The following UST variants were observed in gnomAD, a reference collection of about 807,000 sequenced individuals.
UST encodes chondroitin sulfate 2-O-sulfotransferase.
In UST, 21 loss-of-function variants were observed where a neutral mutation model predicts 45.6. The ratio of observed to expected loss-of-function variants is 0.46; its 90% CI spans 0.33 to 0.66. UST has a LOEUF of 0.66. Ranked by LOEUF, UST falls within the 30% of genes least tolerant of loss-of-function variation. The pLI is 0.02. For missense variants in UST, 463 were observed against 512.4 expected (o/e 0.90, Z 0.93); for synonymous variants, 215 against 200.6 (o/e 1.07, Z -0.61).
intron 2 of UST, among the ~76,000 whole-genome samples, chr6:148,915,482 A>C (rs1779570840): frequency 6.6e-6 from 1 of 152,082 alleles, no homozygotes; most frequent in South Asian, 2.1e-4. Flanking sequence ...CCAGTCCCAG[A>C]CCCCAAACAA....
chr6:149,024,370 A>G (rs1776021178), intron 7 of UST, among the ~76,000 whole-genome samples: 1 of 152,196 alleles, frequency 6.6e-6, no homozygotes, highest in Non-Finnish European at 1.5e-5. Flanking sequence ...GCTGCCACAC[A>G]TTATATGCCC....
At chr6:148,835,614 C>A (rs1777772481) in intron 1 of UST, among the ~76,000 whole-genome samples, 1 of 152,168 alleles carries the variant, frequency 6.6e-6, no homozygotes, top group Non-Finnish European at 1.5e-5. Flanking sequence ...TCCAATCTGT[C>A]ATTTGTCATG....
At chr6:148,779,942 CTT>C (rs1776608602) in intron 1 of UST, among the ~76,000 whole-genome samples, 1 of 151,998 alleles carries the variant, frequency 6.6e-6, no homozygotes, top group Non-Finnish European at 1.5e-5. Context: ...AGCAGAAAGA[CTT>C]TGTGATATTT....
At chr6:148,921,524 A>G (rs866546341) in intron 2 of UST, among the ~76,000 whole-genome samples, 5 of 151,924 alleles carry the variant, frequency 3.3e-5, no homozygotes, top group Admixed American at 2.6e-4. Context: ...CAAAAACTCT[A>G]CCTCTCCAGG....
chr6:148,800,413 A>G (rs1240667140), intron 1 of UST, among the ~76,000 whole-genome samples: 1 of 152,200 alleles, frequency 6.6e-6, no homozygotes, highest in Non-Finnish European at 1.5e-5. Flanking sequence ...CAGAGCATTG[A>G]AAATCAGTCA....
intron 5 of UST, among the ~76,000 whole-genome samples, chr6:148,998,584 A>G (rs748917191): frequency 1.4e-4 from 21 of 152,206 alleles, no homozygotes; most frequent in African/African-American, 3.6e-4. Flanking sequence ...GTGCATTCAT[A>G]TAATATCACA....
chr6:148,766,142 C>T (rs1474029966), intron 1 of UST, among the ~76,000 whole-genome samples: 2 of 152,094 alleles, frequency 1.3e-5, no homozygotes, highest in Non-Finnish European at 2.9e-5. Context: ...CTTCATACTT[C>T]ATTTGTTTTA....
intron 2 of UST, among the ~76,000 whole-genome samples, chr6:148,908,660 CTTT>C (rs1248977739): frequency 6.6e-6 from 1 of 152,052 alleles, no homozygotes; most frequent in Non-Finnish European, 1.5e-5. Flanking sequence ...ATCAAATTCT[CTTT>C]TTAACTCTGT....
intron 1 of UST, among the ~76,000 whole-genome samples, chr6:148,874,054 G>A (rs1020988369): frequency 6.6e-6 from 1 of 152,252 alleles, no homozygotes; most frequent in Admixed American, 6.5e-5. Flanking sequence ...CAGGGCTGGG[G>A]CTGCTGCGTT....
chr6:148,807,221 C>A (rs1288922301), intron 1 of UST, among the ~76,000 whole-genome samples: 4 of 152,102 alleles, frequency 2.6e-5, no homozygotes, highest in Non-Finnish European at 5.9e-5. Flanking sequence ...AAGCATTAGC[C>A]CCTTTACTGA....
chr6:148,975,573 GTAATATTAGCTATCATCATTATAATAA>G (rs1432049962), intron 5 of UST, among the ~76,000 whole-genome samples: 6 of 152,048 alleles, frequency 3.9e-5, no homozygotes, highest in African/African-American at 1.5e-4. Context: ...ATCTTTAAAT[GTAATATTAGCTATCATCATTATAATAA>G]TAATATTATT....
intron 7 of UST, among the ~76,000 whole-genome samples, chr6:149,035,033 T>G (rs1776221910): frequency 6.6e-6 from 1 of 152,210 alleles, no homozygotes; most frequent in Admixed American, 6.5e-5. Flanking sequence ...GTTTCTTTGA[T>G]GATTTTACCA....
chr6:148,760,340 C>T (rs781076584), intron 1 of UST, among the ~76,000 whole-genome samples: 6 of 152,120 alleles, frequency 3.9e-5, no homozygotes, highest in Non-Finnish European at 5.9e-5. Context: ...TGAGGATTTG[C>T]ACAGCCTCCT....
At chr6:148,870,104 T>TCTCACACACA (rs377724567) in intron 1 of UST, among the ~76,000 whole-genome samples, 5 of 141,448 alleles carry the variant, frequency 3.5e-5, no homozygotes, top group African/African-American at 1.3e-4. Context: ...TGGTAATGTT[T>TCTCACACACA]CACACACACA....
At chr6:148,846,977 CTG>C (rs1219102181) in intron 1 of UST, among the ~76,000 whole-genome samples, 1 of 152,210 alleles carries the variant, frequency 6.6e-6, no homozygotes, top group Non-Finnish European at 1.5e-5. Flanking sequence ...GTGAGGCAGG[CTG>C]GTGAGTCCCA....
chr6:148,925,510 C>T (rs1320734772), intron 2 of UST, among the ~76,000 whole-genome samples: 1 of 152,034 alleles, frequency 6.6e-6, no homozygotes, highest in East Asian at 1.9e-4. Flanking sequence ...CAAAGGTTGC[C>T]AATGTGTAGG....
chr6:149,046,707 G>A (rs1582975191), intron 7 of UST, among the ~76,000 whole-genome samples: 1 of 152,206 alleles, frequency 6.6e-6, no homozygotes, highest in Admixed American at 6.5e-5. Flanking sequence ...CAGTTTCCAA[G>A]GCACTTTTCT....
At position 148,876,089 on chromosome 6, in the gene UST, G is replaced by A. The variant is rs370350722; in HGVS notation, c.248-10897G>A. On this transcript the variant is annotated intron_variant, in intron 1 of 7. Transcript: ENST00000367463. ...CGTGGTTCTGTAGGCTGTACAGAAA[G>A]TATGGTGCTGGCATCTGCTTCTGAG... Among the ~76,000 whole-genome samples the A allele has an allele frequency of 2.7e-3, 408 of 152,344 alleles. 2 individuals are homozygous for A. The highest frequency in any genetic ancestry group is 8.8e-3 in the African/African-American group (367 of 41,572).
chr6:148,855,273 A>G (rs1778181977), intron 1 of UST, among the ~76,000 whole-genome samples: 1 of 152,200 alleles, frequency 6.6e-6, no homozygotes, highest in South Asian at 2.1e-4. Flanking sequence ...GTGTGCTTCA[A>G]ACAGTCATTG....
Sources: gnomAD v4.1 joint callset for allele counts (sites outside exome capture counted in the v4.1 genomes callset) on GRCh38, gnomAD v4.1.1 for gene constraint, MANE v1.5 for transcripts, NCBI Gene and HGNC (gene_info 2026-07-23, HGNC 2026-07-21) for gene names.